DPP8: variants seen among roughly 807,000 people sequenced by gnomAD.
The protein encoded by DPP8 is DPP VIII.
Under a neutral mutation model 107.5 loss-of-function variants are expected in DPP8, and 31 were observed. The observed-to-expected ratio is 0.29, with a 90% confidence interval of 0.22 to 0.39. The LOEUF is 0.39. Ranked by LOEUF, DPP8 falls within the 10% of genes least tolerant of loss-of-function variation. The pLI is 1.00. For missense variants in DPP8, 842 were observed against 1,076.1 expected (o/e 0.78, Z 3.04); for synonymous variants, 381 against 356.6 (o/e 1.07, Z -0.77).
intron 16 of DPP8, among the ~76,000 whole-genome samples, chr15:65,454,860 T>G (rs1318806608): frequency 6.6e-6 from 1 of 152,100 alleles, no homozygotes; most frequent in Admixed American, 6.6e-5. Flanking sequence ...TATTACCAAC[T>G]GAGATTCTGT....
chr15:65,499,596 G>C (rs1335855040), intron 4 of DPP8, among the ~76,000 whole-genome samples: 1 of 151,706 alleles, frequency 6.6e-6, no homozygotes, highest in Non-Finnish European at 1.5e-5. Flanking sequence ...ACAGGGACTT[G>C]CTCTGTCATC....
At chr15:65,452,238 G>C in intron 17 of DPP8, 136 bp from the exon 18 acceptor site, 1 of 950,442 alleles carries the variant, frequency 1.1e-6, no homozygotes. Context: ...ACATGTCTTA[G>C]GCAACTCAGA....
intron 5 of DPP8, among the ~76,000 whole-genome samples, chr15:65,491,085 G>A (rs1443371288): frequency 6.6e-6 from 1 of 150,540 alleles, no homozygotes; most frequent in Non-Finnish European, 1.5e-5. Flanking sequence ...TTGAACCCGG[G>A]AGGTGGAGGT....
At chr15:65,484,319 C>G (rs1325480698) in intron 8 of DPP8, among the ~76,000 whole-genome samples, 2 of 145,838 alleles carry the variant, frequency 1.4e-5, no homozygotes, top group Non-Finnish European at 3.0e-5. Flanking sequence ...GTGCAAGACT[C>G]TGTCTCAAAA....
intron 3 of DPP8, among the ~76,000 whole-genome samples, chr15:65,501,944 C>A (rs1018211341): frequency 3.9e-5 from 6 of 152,190 alleles, no homozygotes; most frequent in Non-Finnish European, 5.9e-5. Flanking sequence ...GGCTGGAGTG[C>A]CGTGGCGTGA....
At chr15:65,475,502 A>T in intron 11 of DPP8, 1 of 1,470,804 alleles carries the variant, frequency 6.8e-7, no homozygotes, top group Non-Finnish European at 9.5e-7. Context: ...ATAGGCCATC[A>T]CATGACCTGC....
rs573288658 is a variant in DPP8 at position 65,446,876 on chromosome 15, G to A, written c.*8C>T. On this transcript the variant is annotated 3_prime_UTR_variant, in exon 20 of 20. Coordinates refer to ENST00000300141, the MANE Select transcript of DPP8 (RefSeq NM_130434.5). Reference sequence around the variant, plus strand: ...AGTGTATACCAGAGAGTTCTACACAGGTCAAAATTATATCACTTTTAGAGC... The same window carrying A: ...AGTGTATACCAGAGAGTTCTACACAAGTCAAAATTATATCACTTTTAGAGC... 1.9e-6 allele frequency: 3 copies of A among 1,607,922 alleles called. No homozygotes were observed. Among genetic ancestry groups the A allele is most frequent in the Admixed American group, 1.7e-5 (1 of 58,894 alleles).
chr15:65,480,990 A>C (rs758747178), intron 9 of DPP8, among the ~76,000 whole-genome samples: 35 of 151,968 alleles, frequency 2.3e-4, no homozygotes, highest in Admixed American at 5.3e-4. Flanking sequence ...CCAGCTACTC[A>C]GGAGGATAGC....
chr15:65,517,251 G>A (rs1176606885), intron 1 of DPP8: 1 of 152,408 alleles, frequency 6.6e-6, no homozygotes, highest in African/African-American at 2.4e-5. Context: ...GGCGCCCAGT[G>A]AACGGTGGTT....
chr15:65,481,087 A>AC (rs2140753834), intron 9 of DPP8, among the ~76,000 whole-genome samples: 1 of 151,556 alleles, frequency 6.6e-6, no homozygotes, highest in East Asian at 1.9e-4. Flanking sequence ...ATGACTCAAA[A>AC]AAAAAAAAGT....
At chr15:65,489,284 A>T (rs2067761368) in intron 6 of DPP8, among the ~76,000 whole-genome samples, 1 of 151,940 alleles carries the variant, frequency 6.6e-6, no homozygotes, top group Non-Finnish European at 1.5e-5. Context: ...TTATTTTGCC[A>T]CCAATGCTGC....
In DPP8 at chr15:65,481,516, AT is replaced by A; in HGVS notation, c.1116del (p.Lys372AsnfsTer8). On this transcript the variant is annotated frameshift_variant and splice_region_variant, in exon 9 of 20. Transcript: ENST00000300141. LOFTEE classifies it high-confidence loss of function. ...GAAGTAACAATTTAACATACGCACT[AT>A]TTTCCCTCAGGAGTCCATCCAGCTC... ...IARAGWTPEG[K>X]YAWSILLDRS... 3 of 1,556,318 alleles carry A rather than the reference AT, an allele frequency of 1.9e-6. No homozygotes were observed. The highest frequency in any genetic ancestry group is 2.3e-5 in the East Asian group (1 of 43,318).
At chr15:65,494,380 A>AT (rs1219380467) in intron 5 of DPP8, among the ~76,000 whole-genome samples, 1 of 151,608 alleles carries the variant, frequency 6.6e-6, no homozygotes, top group Non-Finnish European at 1.5e-5. Context: ...TGTCTGGGTA[A>AT]TTTTTATTAT....
chr15:65,503,918 C>T (rs1193592354), intron 3 of DPP8, among the ~76,000 whole-genome samples: 3 of 152,146 alleles, frequency 2.0e-5, no homozygotes, highest in African/African-American at 7.2e-5. Context: ...AGCGACCGCA[C>T]CTGGCCTTTT....
chr15:65,515,798 A>G (rs1317356175), intron 1 of DPP8: 2 of 1,047,634 alleles, frequency 1.9e-6, no homozygotes, highest in African/African-American at 3.2e-5. Context: ...AAGCCTGCTC[A>G]CCAGGATAAT....
chr15:65,461,833 T>C (rs1289415031), intron 15 of DPP8, among the ~76,000 whole-genome samples: 2 of 151,942 alleles, frequency 1.3e-5, no homozygotes, highest in East Asian at 1.9e-4. Flanking sequence ...ACCTCTGACC[T>C]CATGATCCGC....
chr15:65,480,940 A>T (rs1178110045), intron 9 of DPP8, among the ~76,000 whole-genome samples: 4 of 152,102 alleles, frequency 2.6e-5, no homozygotes, highest in African/African-American at 9.6e-5. Flanking sequence ...TACAAAAAAT[A>T]AAAAAAATTA....
chr15:65,455,565 C>T, intron 16 of DPP8: 2 of 738,642 alleles, frequency 2.7e-6, no homozygotes, highest in Non-Finnish European at 3.6e-6. Flanking sequence ...ATTCCTACCA[C>T]CACCACCTTG....
chr15:65,461,594 GCTTT>G (rs67284147), intron 15 of DPP8, among the ~76,000 whole-genome samples: 30,664 of 150,850 alleles, frequency 0.2, 4,084 homozygotes, highest in East Asian at 0.72. Context: ...CTCTTGAGTT[GCTTT>G]CTATTAAGCC....
Sources: allele counts gnomAD v4.1 joint callset (sites outside exome capture counted in the v4.1 genomes callset), GRCh38; gene constraint gnomAD v4.1.1; transcripts MANE v1.5; gene names NCBI Gene and HGNC (gene_info 2026-07-23, HGNC 2026-07-21).